MED27: variants seen among roughly 807,000 people sequenced by gnomAD.
The protein encoded by MED27 is mediator of RNA polymerase II transcription subunit 27.
A neutral mutation model predicts 38.2 loss-of-function variants in MED27; 30 were observed. That is an observed-to-expected ratio of 0.79 (90% CI 0.59 to 1.07). The LOEUF (loss-of-function observed/expected upper bound fraction) is 1.07, where lower values mean the gene tolerates loss of function less well. Among genes scored for constraint, MED27 ranks in the 50% least tolerant of loss-of-function variants. The pLI, the probability that MED27 is intolerant of heterozygous loss-of-function variation, is 0.00. For missense variants in MED27, 289 were observed against 397.5 expected, an observed-to-expected ratio of 0.73 and a Z score of 2.32; for synonymous variants, 122 against 153.5, an observed-to-expected ratio of 0.79 and a Z score of 1.52.
intron 5 of MED27, among the ~76,000 whole-genome samples, chr9:131,891,941 G>C (rs1190817127): frequency 6.6e-6 from 1 of 152,120 alleles, no homozygotes; most frequent in Non-Finnish European, 1.5e-5. Context: ...GCGGGATGAA[G>C]GGAAGAAAGC....
At chr9:131,908,415 G>T (rs1830119868) in intron 4 of MED27, among the ~76,000 whole-genome samples, 1 of 152,286 alleles carries the variant, frequency 6.6e-6, no homozygotes, top group Non-Finnish European at 1.5e-5. Flanking sequence ...CATGACAATG[G>T]CGGTTTTGTG....
chr9:131,917,733 G>T lies in MED27; in HGVS notation c.573+21648C>A, dbSNP rs983198861. Among the ~76,000 whole-genome samples the T allele has an allele frequency of 5.3e-5, 8 of 152,164 alleles. No homozygotes were observed. The highest frequency in any genetic ancestry group is 1.2e-4 in the Non-Finnish European group (8 of 68,034). On this transcript the variant is annotated intron_variant, in intron 4 of 7. Coordinates refer to ENST00000292035, the MANE Select transcript of MED27 (RefSeq NM_004269.4). The surrounding 1 kb of genome is among the most constrained non-coding windows in gnomAD (Gnocchi z 4.6). ...AATAAGCATTTGTTACAAGAATGGA[G>T]ATAAGTATTGGAACAGAAAAATGTT...
At chr9:131,954,486 T>C (rs1281563404) in intron 3 of MED27, among the ~76,000 whole-genome samples, 2 of 152,204 alleles carry the variant, frequency 1.3e-5, no homozygotes, top group Non-Finnish European at 2.9e-5. Context: ...AACAAACTTT[T>C]AGAGGGTGCC....
chr9:131,914,766 G>C (rs1830258976), intron 4 of MED27, among the ~76,000 whole-genome samples: 1 of 152,210 alleles, frequency 6.6e-6, no homozygotes, highest in Non-Finnish European at 1.5e-5. Flanking sequence ...TGGGTGCAAG[G>C]GTGGAGGCAG....
chr9:132,070,497 C>A (rs1833913729), intron 2 of MED27, among the ~76,000 whole-genome samples: 1 of 152,158 alleles, frequency 6.6e-6, no homozygotes, highest in Non-Finnish European at 1.5e-5. Context: ...GCTGAAGCTG[C>A]AGTGAACCAT....
chr9:131,884,074 T>C lies in MED27; in HGVS notation c.707A>G (p.Tyr236Cys), dbSNP rs1589183548. 9 of 1,612,392 alleles carry C rather than the reference T, an allele frequency of 5.6e-6. No individual in the cohort carries two copies. Among genetic ancestry groups the C allele is most frequent in the East Asian group, 4.5e-5 (2 of 44,824 alleles). ...AAAACTTACCTTCTGGAATACTTGA[T>C]AGTTGGATTTGGACCATATATCAAG... ...GKLDIWSKSNYQVFQKVTDHA... is the reference protein window; with the variant it reads ...GKLDIWSKSNCQVFQKVTDHA... The change falls in exon 6 of 8, where the codon TAT becomes TGT. Residue 236 changes from tyrosine (Y) to cysteine (C), a missense_variant. By Grantham distance (194) the Tyr-to-Cys change is radical (BLOSUM62 -2). Coordinates refer to ENST00000292035, the MANE Select transcript of MED27 (RefSeq NM_004269.4).
chr9:131,875,036 C>G (rs1402811644), intron 6 of MED27, among the ~76,000 whole-genome samples: 1 of 152,144 alleles, frequency 6.6e-6, no homozygotes, highest in East Asian at 1.9e-4. Context: ...AGAGGCAGCT[C>G]AGCCGCCAAG....
chr9:131,878,306 T>TAAATA (rs1408377573), intron 6 of MED27, among the ~76,000 whole-genome samples: 4 of 148,776 alleles, frequency 2.7e-5, no homozygotes, highest in African/African-American at 9.9e-5. Context: ...AATAAATAAA[T>TAAATA]AAATAAAATA....
At chr9:131,868,329 A>C (rs959467192) in intron 6 of MED27, among the ~76,000 whole-genome samples, 2 of 152,116 alleles carry the variant, frequency 1.3e-5, no homozygotes, top group African/African-American at 4.8e-5. Flanking sequence ...CCTAGGCTGG[A>C]GGGCAGTGGC....
intron 3 of MED27, among the ~76,000 whole-genome samples, chr9:131,951,090 G>T (rs1184240474): frequency 6.6e-6 from 1 of 152,206 alleles, no homozygotes; most frequent in Non-Finnish European, 1.5e-5. Flanking sequence ...CACAAAAACA[G>T]ACCTTCCTGG....
intron 3 of MED27, among the ~76,000 whole-genome samples, chr9:131,950,258 G>A (rs904921797): frequency 2.0e-5 from 3 of 152,164 alleles, no homozygotes; most frequent in South Asian, 2.1e-4. Flanking sequence ...GTGAAATGAC[G>A]CTTGGAGCTC....
intron 3 of MED27, among the ~76,000 whole-genome samples, chr9:131,945,672 G>A (rs1182485080): frequency 6.6e-6 from 1 of 151,880 alleles, no homozygotes; most frequent in Non-Finnish European, 1.5e-5. Flanking sequence ...ACATAGAAGT[G>A]AGATCGTGGC....
At chr9:131,944,024 T>G (rs1830836284) in intron 3 of MED27, among the ~76,000 whole-genome samples, 1 of 152,102 alleles carries the variant, frequency 6.6e-6, no homozygotes, top group African/African-American at 2.4e-5. Context: ...TCCAATCCAC[T>G]TTTTTCCAGC....
At chr9:131,994,046 A>G (rs945729766) in intron 3 of MED27, among the ~76,000 whole-genome samples, 2 of 152,214 alleles carry the variant, frequency 1.3e-5, no homozygotes, top group African/African-American at 2.4e-5. Flanking sequence ...TCTTGTTTCT[A>G]TTAATCTTTC....
intron 4 of MED27, among the ~76,000 whole-genome samples, chr9:131,915,681 T>G (rs752052103): frequency 6.6e-5 from 10 of 152,222 alleles, no homozygotes; most frequent in Non-Finnish European, 1.3e-4. Context: ...GTCCTCCCAC[T>G]CCCATGCCCA....
At chr9:131,984,608 C>T (rs536290912) in intron 3 of MED27, among the ~76,000 whole-genome samples, 1 of 152,278 alleles carries the variant, frequency 6.6e-6, no homozygotes, top group South Asian at 2.1e-4. Flanking sequence ...GGGGAAGCTA[C>T]TTTAGATTGG....
chr9:131,966,199 TA>T (rs201789144), intron 3 of MED27, among the ~76,000 whole-genome samples: 192 of 96,306 alleles, frequency 2.0e-3, no homozygotes, highest in Non-Finnish European at 2.1e-3. Context: ...CCTGTTTCTT[TA>T]AAAAAAAAAA....
rs1338301692 is a variant in MED27 at position 131,982,861 on chromosome 9, ACT to A, written c.479+31474_479+31475del. On this transcript the variant is annotated intron_variant, in intron 3 of 7. Coordinates refer to ENST00000292035, the MANE Select transcript of MED27 (RefSeq NM_004269.4). The surrounding 1 kb of genome is among the most constrained non-coding windows in gnomAD (Gnocchi z 4.3). ...AATGCGCATGGCTGTGCTCAATAAA[ACT>A]CTGTTTACAGAAACGGGTAGTAGGC... is the stretch of plus-strand genomic sequence containing the variant. Among the ~76,000 whole-genome samples the A allele has an allele frequency of 1.3e-4, 19 of 151,900 alleles. No homozygotes were observed. The highest frequency in any genetic ancestry group is 4.1e-4 in the African/African-American group (17 of 41,300).
At chr9:132,073,655 T>A (rs1833988285) in intron 2 of MED27, 1 of 1,461,728 alleles carries the variant, frequency 6.8e-7, no homozygotes, top group Non-Finnish European at 8.9e-7. Context: ...GCAACTGGAT[T>A]CTAATAAGAA....
Sources: gnomAD v4.1 joint callset for allele counts (sites outside exome capture counted in the v4.1 genomes callset) on GRCh38, gnomAD v4.1.1 for gene constraint, Gnocchi (gnomAD v3.1) non-coding constraint, MANE v1.5 for transcripts, NCBI Gene and HGNC (gene_info 2026-07-23, HGNC 2026-07-21) for gene names.